Variants in CLIP2 observed in about 807,000 individuals in gnomAD.
CLIP2 encodes the protein CAP-Gly domain-containing linker protein 2.
In CLIP2, 41 loss-of-function variants were observed where a neutral mutation model predicts 111.7. That is an observed-to-expected ratio of 0.37 (90% CI 0.29 to 0.48). CLIP2 has a LOEUF of 0.48. Ranked by LOEUF, CLIP2 falls within the 20% of genes least tolerant of loss-of-function variation. The pLI, the probability that CLIP2 is intolerant of heterozygous loss-of-function variation, is 0.99. For synonymous variants in CLIP2, 660 were observed against 644.2 expected (o/e 1.02, Z -0.37); for missense variants, 1,160 against 1,422.1 (o/e 0.82, Z 2.96).
chr7:74,295,989 CAAAAAAAAAA>C (rs368834820), intron 1 of CLIP2, among the ~76,000 whole-genome samples: 4,451 of 71,038 alleles, frequency 0.063, 248 homozygotes, highest in African/African-American at 0.17. Flanking sequence ...ACCCTGTCTC[CAAAAAAAAAA>C]AAAAAAAAAA....
In CLIP2 at chr7:74,376,665, A is replaced by G; in HGVS notation, c.2264A>G (p.Gln755Arg). 1 of 1,613,416 alleles carries G rather than the reference A, an allele frequency of 6.2e-7. No homozygotes were observed. Among genetic ancestry groups the G allele is most frequent in the Non-Finnish European group, 8.5e-7 (1 of 1,179,900 alleles). Residue 755 changes from glutamine to arginine, a missense_variant, in exon 10 of 17, where the codon CAG becomes CGG. Physicochemically the swap from Gln to Arg is conservative, Grantham distance 43. Around this residue, in one of 5 missense-constraint regions of CLIP2, gnomAD observed 676 missense variants for 777.8 expected, o/e 0.87. Coordinates refer to ENST00000223398, the MANE Select transcript of CLIP2 (RefSeq NM_003388.5). This position sits in a 1 kb window ranked among gnomAD's most constrained non-coding sequence, Gnocchi z 7.1. ...QAQAIEFLKE[Q>R]ISLAEKKMLD... is the part of the protein sequence containing the mutation. ...CAGGCTATCGAGTTCCTCAAGGAGC[A>G]GATCTCGCTGGCCGAGAAGAAGATG...
At chr7:74,360,550 C>T (rs1459729840) in intron 7 of CLIP2, among the ~76,000 whole-genome samples, 2 of 152,064 alleles carry the variant, frequency 1.3e-5, no homozygotes, top group African/African-American at 2.4e-5. Flanking sequence ...AGGGACACCA[C>T]ATTTTTAAAA....
chr7:74,328,577 G>A (rs926635189), intron 2 of CLIP2, among the ~76,000 whole-genome samples: 12 of 152,048 alleles, frequency 7.9e-5, no homozygotes, highest in Admixed American at 5.2e-4. Flanking sequence ...TTGGGAGGGA[G>A]AGAGACACAG....
chr7:74,364,992 GT>G (rs1462154215), intron 8 of CLIP2: 1 of 307,678 alleles, frequency 3.3e-6, no homozygotes, highest in African/African-American at 2.9e-5. Flanking sequence ...CCTGTTTTTT[GT>G]TGTGTGTGTG....
intron 7 of CLIP2, among the ~76,000 whole-genome samples, chr7:74,363,914 G>GAA (rs1790405797): frequency 1.4e-5 from 2 of 147,464 alleles, no homozygotes; most frequent in African/African-American, 5.2e-5. Flanking sequence ...AAAAAAAAGG[G>GAA]AGGGAGGAAG....
chr7:74,391,734 C>T (rs1224881478), intron 13 of CLIP2, among the ~76,000 whole-genome samples: 1 of 151,490 alleles, frequency 6.6e-6, no homozygotes, highest in African/African-American at 2.4e-5. Context: ...GCAGGAGAGT[C>T]ACTTGAACCC....
chr7:74,314,494 AAATAAT>A (rs1157481892), intron 1 of CLIP2, among the ~76,000 whole-genome samples: 1 of 152,160 alleles, frequency 6.6e-6, no homozygotes, highest in South Asian at 2.1e-4. Flanking sequence ...CTGTCTCTAA[AAATAAT>A]AATAATAACA....
Position 74,297,518 on chromosome 7 carries a change from G to GC in CLIP2, c.-68+7791dup, listed in dbSNP as rs569190939. ...AACCGAATAAGAAAACAAAAGCAGGGCCCCCCCTTTGAGAGGAAGCCTCAG... is the reference window on the plus strand; with the variant it reads ...AACCGAATAAGAAAACAAAAGCAGGGCCCCCCCCTTTGAGAGGAAGCCTCAG... On this transcript the variant is annotated intron_variant, in intron 1 of 16. Coordinates refer to ENST00000223398, the MANE Select transcript of CLIP2 (RefSeq NM_003388.5). Among the ~76,000 whole-genome samples, 150 of 151,984 alleles carry GC rather than the reference G, an allele frequency of 9.9e-4. 2 individuals are homozygous for GC. In the South Asian group the frequency reaches 0.01, roughly 11 times the overall value.
At chr7:74,339,624 G>A (rs1440521919) in intron 3 of CLIP2, among the ~76,000 whole-genome samples, 8 of 152,086 alleles carry the variant, frequency 5.3e-5, no homozygotes, top group Admixed American at 3.9e-4. Context: ...AATTTTAATC[G>A]TACTTCAGTC....
chr7:74,295,137 A>AT (rs1283462067), intron 1 of CLIP2, among the ~76,000 whole-genome samples: 7 of 151,888 alleles, frequency 4.6e-5, no homozygotes, highest in African/African-American at 1.7e-4. Flanking sequence ...TAATTTTTAT[A>AT]TTTTTTTGTA....
At chr7:74,361,176 T>TTTCCTTCC (rs61684239) in intron 7 of CLIP2, among the ~76,000 whole-genome samples, 10,444 of 62,034 alleles carry the variant, frequency 0.17, 1,913 homozygotes, top group East Asian at 0.49. Flanking sequence ...CCCTCCCTTC[T>TTTCCTTCC]TTCCTTCCTT....
At chr7:74,298,603 G>T (rs905904117) in intron 1 of CLIP2, among the ~76,000 whole-genome samples, 15 of 151,682 alleles carry the variant, frequency 9.9e-5, no homozygotes, top group African/African-American at 3.6e-4. Context: ...CGTGATCTCG[G>T]CTCACTGCGG....
At position 74,317,612 on chromosome 7, in the gene CLIP2, G is replaced by A. The variant is rs1444943250; in HGVS notation, c.66G>A (p.Arg22=). Reference sequence around the variant, plus strand: ...GGAAGCACTCCAGCCCCATGGGCCGGACATCTACTGGGTCAGCTTCATCCT... The same window carrying A: ...GGAAGCACTCCAGCCCCATGGGCCGAACATCTACTGGGTCAGCTTCATCCT... The part of the protein sequence containing the change: ...RGGKHSSPMG[R]TSTGSASSSA... Residue 22 remains arginine, a synonymous_variant, in exon 2 of 17, where the codon CGG becomes CGA. Transcript: ENST00000223398. 6.6e-7 allele frequency: 1 copy of A among 1,525,600 alleles called. No homozygotes were observed. Among genetic ancestry groups the A allele is most frequent in the Non-Finnish European group, 8.8e-7 (1 of 1,130,712 alleles). The allele number at this position is 1,525,600 out of a possible 1,614,324, so 94.5% of individuals were successfully genotyped here.
rs141046983 is a variant in CLIP2, at chr7:74,353,940, G to A, written c.739G>A (p.Glu247Lys). 3.1e-6 allele frequency: 5 copies of A among 1,614,202 alleles called. No individual in the cohort carries two copies. The highest frequency in any genetic ancestry group is 2.7e-5 in the African/African-American group (2 of 75,054). Residue 247 changes from glutamate to lysine, a missense_variant, in exon 4 of 17, where the codon GAG becomes AAG. By Grantham distance (56) the Glu-to-Lys change is moderately conservative. This residue lies in a region of CLIP2 where 110 missense variants were observed against 185.2 expected (regional missense o/e 0.59). Coordinates refer to ENST00000223398, the MANE Select transcript of CLIP2 (RefSeq NM_003388.5). Reference sequence around the variant, plus strand: ...GGGGGAGACAGACTTTGCCAAGGGCGAGTGGTGTGGCGTGGAGCTGGACGA... The same window carrying A: ...GGGGGAGACAGACTTTGCCAAGGGCAAGTGGTGTGGCGTGGAGCTGGACGA... Reference protein sequence around the residue: ...YVGETDFAKGEWCGVELDEPL... With the variant: ...YVGETDFAKGKWCGVELDEPL...
In CLIP2 at chr7:74,384,079, C is replaced by T. The variant is rs573563088; in HGVS notation, c.2480-2442C>T. Among the ~76,000 whole-genome samples, 15 of 152,264 alleles carry T rather than the reference C, an allele frequency of 9.9e-5. No individual in the cohort carries two copies. The South Asian group carries it at 1.0e-3, about 11-fold the overall frequency. On this transcript the variant is annotated intron_variant, in intron 11 of 16. Transcript: ENST00000223398. ...TGGTGTGCGCCTGGAATCCCAGCTA[C>T]GCAGGAAGATGAGGCAGAGAGAATC...
intron 1 of CLIP2, among the ~76,000 whole-genome samples, chr7:74,299,366 A>AATAAATAAAGGC (rs782805987): frequency 2.0e-3 from 290 of 141,856 alleles, no homozygotes; most frequent in Middle Eastern, 3.6e-3. Flanking sequence ...TAAATAAATA[A>AATAAATAAAGGC]AGGCCCTGCC....
intron 1 of CLIP2, among the ~76,000 whole-genome samples, chr7:74,303,101 A>G (rs184017581): frequency 7.4e-4 from 112 of 152,268 alleles, no homozygotes; most frequent in Non-Finnish European, 1.1e-3. Context: ...GATAGTGGGT[A>G]TAAGGCTCAG....
intron 10 of CLIP2, among the ~76,000 whole-genome samples, chr7:74,377,870 G>T (rs190994744): frequency 6.6e-6 from 1 of 151,258 alleles, no homozygotes; most frequent in Non-Finnish European, 1.5e-5. Flanking sequence ...TTGTTGCCCA[G>T]GCTGGAGTGC....
At chr7:74,296,631 G>A (rs567132373) in intron 1 of CLIP2, among the ~76,000 whole-genome samples, 13 of 145,928 alleles carry the variant, frequency 8.9e-5, no homozygotes, top group African/African-American at 3.3e-4. Flanking sequence ...CTACTAAAAA[G>A]ATAAAAAATT....
Sources: gnomAD v4.1 joint callset for allele counts (sites outside exome capture counted in the v4.1 genomes callset) on GRCh38, gnomAD v4.1.1 for gene constraint, gnomAD v4.1.1 regional missense constraint, Gnocchi (gnomAD v3.1) non-coding constraint, MANE v1.5 for transcripts, NCBI Gene and HGNC (gene_info 2026-07-23, HGNC 2026-07-21) for gene names.